The following UBE2D2 variants were observed in gnomAD, a reference collection of about 807,000 sequenced individuals.
The protein encoded by UBE2D2 is ubiquitin-conjugating enzyme E2 D2.
UBE2D2 carries 2 observed loss-of-function variants against 24.2 expected under a neutral mutation model. That is an observed-to-expected ratio of 0.08 (90% CI 0.03 to 0.26). The LOEUF is 0.26. Among genes scored for constraint, UBE2D2 ranks in the 10% least tolerant of loss-of-function variants. The pLI, the probability that UBE2D2 is intolerant of heterozygous loss-of-function variation, is 1.00. For synonymous variants in UBE2D2, 58 were observed against 56.5 expected, an observed-to-expected ratio of 1.03 and a Z score of -0.12; for missense variants, 44 against 177.6, an observed-to-expected ratio of 0.25 and a Z score of 4.28.
chr5:139,550,372 AT>A (rs1171321535), intron 1 of UBE2D2, among the ~76,000 whole-genome samples: 1 of 152,174 alleles, frequency 6.6e-6, no homozygotes, highest in Non-Finnish European at 1.5e-5. Flanking sequence ...GGGATTGTAA[AT>A]GCACCAATCA....
intron 6 of UBE2D2, among the ~76,000 whole-genome samples, chr5:139,625,295 T>G (rs1754596152): frequency 6.7e-6 from 1 of 148,450 alleles, no homozygotes; most frequent in South Asian, 2.2e-4. Flanking sequence ...TTTTTTTTTT[T>G]GTAGAGACAG....
chr5:139,616,329 G>A lies in UBE2D2; in HGVS notation c.304+1363G>A, dbSNP rs559846379. On this transcript the variant is annotated intron_variant, in intron 5 of 6. Coordinates refer to ENST00000398733, the MANE Select transcript of UBE2D2 (RefSeq NM_003339.3). ...AGCCTGGGGGACAGAGCGAGACTCCGTCTCAAAAACAAGAATATTTATCAG... is the reference window on the plus strand; with the variant it reads ...AGCCTGGGGGACAGAGCGAGACTCCATCTCAAAAACAAGAATATTTATCAG... 2.6e-4 allele frequency among the ~76,000 whole-genome samples: 39 copies of A among 151,890 alleles called. No homozygotes were observed. The South Asian group carries it at 4.6e-3, about 18-fold the overall frequency.
At position 139,627,676 on chromosome 5, in the gene UBE2D2, A is replaced by G. The variant is rs1754661229; in HGVS notation, c.*875A>G. 2 of 152,664 alleles carry G rather than the reference A, an allele frequency of 1.3e-5. No individual in the cohort carries two copies. The highest frequency in any genetic ancestry group is 4.1e-4 in the South Asian group (2 of 4,834). The allele number at this position is 152,664 out of a possible 1,614,324, so 9.5% of individuals were successfully genotyped here. On this transcript the variant is annotated 3_prime_UTR_variant, in exon 7 of 7. Transcript: ENST00000398733. ...TAATCTGTGTAATAAACTGGTTACT[A>G]CAGTCATTACATATAATTTTGTGTG...
At chr5:139,577,661 G>T (rs1338446732) in intron 1 of UBE2D2, among the ~76,000 whole-genome samples, 1 of 152,074 alleles carries the variant, frequency 6.6e-6, no homozygotes, top group Non-Finnish European at 1.5e-5. Context: ...TGATCTACCT[G>T]CCTTGGCCTC....
chr5:139,596,058 T>A (rs1753953710), intron 1 of UBE2D2, among the ~76,000 whole-genome samples: 1 of 150,816 alleles, frequency 6.6e-6, no homozygotes, highest in Non-Finnish European at 1.5e-5. Context: ...CATGCCCGGC[T>A]AATTTTTGTA....
intron 1 of UBE2D2, among the ~76,000 whole-genome samples, chr5:139,540,067 G>C (rs894043270): frequency 6.6e-6 from 1 of 151,626 alleles, no homozygotes; most frequent in Non-Finnish European, 1.5e-5. Context: ...TTACAGGCAT[G>C]CACCACTACG....
In UBE2D2 at chr5:139,571,420, AAAAC is replaced by A. The variant is rs1163668145; in HGVS notation, c.24+9611_24+9614del. ...AGACTCCCTCTCAAAAAAAAAAAAAAAAACAAACACAGATTTCAGCTATCCACTT... is the reference window on the plus strand; with the variant it reads ...AGACTCCCTCTCAAAAAAAAAAAAAAAAACACAGATTTCAGCTATCCACTT... On this transcript the variant is annotated intron_variant, in intron 1 of 6. Coordinates refer to ENST00000398733, the MANE Select transcript of UBE2D2 (RefSeq NM_003339.3). 1.1e-4 allele frequency among the ~76,000 whole-genome samples: 17 copies of A among 152,074 alleles called. No homozygotes were observed. In the East Asian group the frequency reaches 1.7e-3, roughly 16 times the overall value.
chr5:139,552,163 C>CTTTT (rs374137107), intron 1 of UBE2D2, among the ~76,000 whole-genome samples: 2 of 142,650 alleles, frequency 1.4e-5, no homozygotes, highest in Admixed American at 7.1e-5. Context: ...TAATAGCTAA[C>CTTTT]TTTTTTTTTT....
chr5:139,615,220 C>T (rs1754398184), intron 5 of UBE2D2, among the ~76,000 whole-genome samples: 1 of 152,194 alleles, frequency 6.6e-6, no homozygotes, highest in South Asian at 2.1e-4. Context: ...TGCCGTGGCT[C>T]ATGCCTGTAA....
chr5:139,620,804 C>G (rs1754499808), intron 5 of UBE2D2, among the ~76,000 whole-genome samples: 1 of 152,096 alleles, frequency 6.6e-6, no homozygotes. Context: ...TCTCTTGGTA[C>G]AGAACACCTA....
In UBE2D2 at chr5:139,627,707, G is replaced by C. The variant is rs565643404; in HGVS notation, c.*906G>C. On this transcript the variant is annotated 3_prime_UTR_variant, in exon 7 of 7. Coordinates refer to ENST00000398733, the MANE Select transcript of UBE2D2 (RefSeq NM_003339.3). ...ATTACATATAATTTTGTGTGAATAG[G>C]CTTTTTCATTTTTAAGAAGTTTGTC... The C allele has an allele frequency of 6.6e-6, 1 of 152,620 alleles. No homozygotes were observed. The highest frequency in any genetic ancestry group is 1.5e-5 in the Non-Finnish European group (1 of 67,998). 9.5% of individuals were successfully genotyped at this position (152,620 alleles called of 1,614,324 possible).
At chr5:139,561,896 C>A in intron 1 of UBE2D2, 81 bp downstream of exon 1, 1 of 1,426,924 alleles carries the variant, frequency 7.0e-7, no homozygotes, top group Non-Finnish European at 9.1e-7. Context: ...CTCCGTCGGG[C>A]TCGCGGCCTC....
At chr5:139,584,673 C>T (rs1023353532) in intron 1 of UBE2D2, among the ~76,000 whole-genome samples, 4 of 150,812 alleles carry the variant, frequency 2.7e-5, no homozygotes, top group Non-Finnish European at 5.9e-5. Context: ...GCTGGGATTA[C>T]AGGCATGTGC....
At chr5:139,559,314 CTACTCG>C (rs1753021703), upstream of UBE2D2, among the ~76,000 whole-genome samples, 1 of 151,812 alleles carries the variant, frequency 6.6e-6, no homozygotes. Flanking sequence ...GTAGTCCCAG[CTACTCG>C]GGAGGCTGAG....
intron 1 of UBE2D2, among the ~76,000 whole-genome samples, chr5:139,529,876 A>G (rs1752581333): frequency 6.6e-6 from 1 of 152,182 alleles, no homozygotes; most frequent in Non-Finnish European, 1.5e-5. Flanking sequence ...CCCAGTCTCT[A>G]CAAGTCACCT....
chr5:139,603,596 T>TGGGTGAC (rs1754128778), intron 2 of UBE2D2, among the ~76,000 whole-genome samples: 1 of 118,412 alleles, frequency 8.4e-6, no homozygotes, highest in Non-Finnish European at 1.6e-5. Context: ...CACTCCAGCC[T>TGGGTGAC]GGGTGACAGA....
intron 1 of UBE2D2, among the ~76,000 whole-genome samples, chr5:139,583,071 T>G (rs1432981355): frequency 6.6e-6 from 1 of 151,254 alleles, no homozygotes; most frequent in Non-Finnish European, 1.5e-5. Flanking sequence ...GCCTCTTGGG[T>G]TCCAGTGATT....
chr5:139,561,282 C>G (rs1490618658), upstream of UBE2D2: 1 of 152,424 alleles, frequency 6.6e-6, no homozygotes, highest in African/African-American at 2.4e-5. Flanking sequence ...TCCCCTGGCC[C>G]GCCAATCCCC....
chr5:139,601,467 G>T (rs997472921), intron 2 of UBE2D2, among the ~76,000 whole-genome samples: 1 of 152,130 alleles, frequency 6.6e-6, no homozygotes, highest in East Asian at 1.9e-4. Context: ...AATTAGCCGG[G>T]TATGTTGGTG....
Sources: gnomAD v4.1 joint callset for allele counts (sites outside exome capture counted in the v4.1 genomes callset) on GRCh38, gnomAD v4.1.1 for gene constraint, MANE v1.5 for transcripts, NCBI Gene and HGNC (gene_info 2026-07-23, HGNC 2026-07-21) for gene names.